The following CDC45 variants were observed in gnomAD, a reference collection of about 807,000 sequenced individuals.
The protein encoded by CDC45 is cell division control protein 45 homolog.
CDC45 carries 54 observed loss-of-function variants against 77.8 expected under a neutral mutation model. That is an observed-to-expected ratio of 0.69 (90% CI 0.56 to 0.87). The LOEUF is 0.87. Among genes scored for constraint, CDC45 ranks in the 40% least tolerant of loss-of-function variants. The probability of loss-of-function intolerance (pLI) is 0.00; values close to 1 mark genes in which losing one functional copy is unlikely to be tolerated. For missense variants in CDC45, 649 were observed against 721.6 expected, an observed-to-expected ratio of 0.90 and a Z score of 1.15; for synonymous variants, 260 against 272.1, an observed-to-expected ratio of 0.96 and a Z score of 0.44.
At chr22:19,500,437 G>C (rs1338688624) in intron 9 of CDC45, among the ~76,000 whole-genome samples, 1 of 152,170 alleles carries the variant, frequency 6.6e-6, no homozygotes, top group East Asian at 1.9e-4. Flanking sequence ...CCTCGTAGCT[G>C]CTTGGTGTCT....
At chr22:19,518,718 C>T in intron 17 of CDC45, 126 bp from the exon 18 acceptor site, 1 of 743,370 alleles carries the variant, frequency 1.3e-6, no homozygotes, top group Non-Finnish European at 2.4e-6. Context: ...GTGCAGAATA[C>T]CACAGGCCGG....
intron 17 of CDC45, among the ~76,000 whole-genome samples, chr22:19,517,797 C>G (rs901113632): frequency 6.6e-6 from 1 of 152,234 alleles, no homozygotes; most frequent in Admixed American, 6.5e-5. Flanking sequence ...ACCCTAACAA[C>G]CACATTTGAA....
intron 5 of CDC45, among the ~76,000 whole-genome samples, chr22:19,488,707 CAA>C (rs1198042826): frequency 6.6e-6 from 1 of 152,156 alleles, no homozygotes; most frequent in Non-Finnish European, 1.5e-5. Context: ...TGAGATTTAA[CAA>C]ATGTATAAAG....
At chr22:19,497,687 G>T (rs531585954) in intron 8 of CDC45, among the ~76,000 whole-genome samples, 1 of 152,176 alleles carries the variant, frequency 6.6e-6, no homozygotes, top group African/African-American at 2.4e-5. Flanking sequence ...ATACAGTACA[G>T]CTTCACCTTC....
chr22:19,505,199 T>C (rs1388129928), intron 9 of CDC45, 163 bp from the exon 10 acceptor site: 1 of 731,730 alleles, frequency 1.4e-6, no homozygotes, highest in African/African-American at 1.8e-5. Context: ...TCCTGGGTGC[T>C]TGGTTTCTAT....
rs200408376 is a variant in CDC45 at position 19,518,848 on chromosome 22, T to C, written c.1641T>C (p.Ile547=). 4.7e-4 allele frequency: 766 copies of C among 1,614,008 alleles called. 14 individuals carry two copies. The South Asian group carries it at 7.8e-3, about 16-fold the overall frequency. ...GTTTTTCTTTCATTACTTCAGTAATTGAGCTGAAAGCTGAGGATCGGAGCA... is the reference window on the plus strand; with the variant it reads ...GTTTTTCTTTCATTACTTCAGTAATCGAGCTGAAAGCTGAGGATCGGAGCA... The part of the protein sequence containing the change: ...MLHNHFDLSV[I]ELKAEDRSKF... Residue 547 remains isoleucine, a synonymous_variant, in exon 18 of 19, where the codon ATT becomes ATC. Transcript: ENST00000263201.
chr22:19,502,121 T>C (rs1208883269), intron 9 of CDC45, among the ~76,000 whole-genome samples: 1 of 152,202 alleles, frequency 6.6e-6, no homozygotes, highest in Non-Finnish European at 1.5e-5. Context: ...TCAGCTGTTA[T>C]CATTAAACCA....
Position 19,509,234 on chromosome 22 carries a change from C to T in CDC45, c.1217+543C>T, listed in dbSNP as rs13447267. Among the ~76,000 whole-genome samples the T allele has an allele frequency of 3.3e-3, 504 of 152,174 alleles. 18 individuals are homozygous for T. The East Asian group carries it at 0.066, about 20-fold the overall frequency. On this transcript the variant is annotated intron_variant, in intron 13 of 18. Transcript: ENST00000263201. ...TTAGAAAAGAGGATTATAGTGTCTGCGATGCACAGCTATGGCAAGCCAAAT... is the reference window on the plus strand; with the variant it reads ...TTAGAAAAGAGGATTATAGTGTCTGTGATGCACAGCTATGGCAAGCCAAAT...
At chr22:19,483,841 T>A in intron 4 of CDC45, 21 bp from the exon 5 acceptor site, 1 of 1,608,068 alleles carries the variant, frequency 6.2e-7, no homozygotes, top group Admixed American at 1.7e-5. Flanking sequence ...GAGGCTTAAT[T>A]CCTTTTTGTT....
Position 19,508,631 on chromosome 22 carries a change from G to A in CDC45, c.1157G>A (p.Ser386Asn), listed in dbSNP as rs375401941. The A allele has an allele frequency of 1.9e-6, 3 of 1,614,076 alleles. No individual in the cohort carries two copies. Among genetic ancestry groups the A allele is most frequent in the African/African-American group, 1.3e-5 (1 of 74,936 alleles). ...TTTGCCACCATGTCTTTGATGGAGAGCCCCGAGAAGGATGGCTCAGGGACA... is the reference window on the plus strand; with the variant it reads ...TTTGCCACCATGTCTTTGATGGAGAACCCCGAGAAGGATGGCTCAGGGACA... ...VVFATMSLME[S>N]PEKDGSGTDH... The change falls in exon 13 of 19, where the codon AGC becomes AAC. Residue 386 changes from serine to asparagine, a missense_variant. By Grantham distance (46) the Ser-to-Asn change is conservative (BLOSUM62 1). Coordinates refer to ENST00000263201, the MANE Select transcript of CDC45 (RefSeq NM_003504.5).
intron 6 of CDC45, among the ~76,000 whole-genome samples, chr22:19,494,960 A>G (rs1409538794): frequency 1.3e-5 from 2 of 152,224 alleles, no homozygotes; most frequent in Non-Finnish European, 2.9e-5. Flanking sequence ...TGGGAGGCCC[A>G]GGCAGGAGAA....
intron 18 of CDC45, among the ~76,000 whole-genome samples, chr22:19,519,429 T>C (rs779289598): frequency 3.9e-5 from 6 of 152,212 alleles, no homozygotes; most frequent in African/African-American, 1.2e-4. Flanking sequence ...GAGGGCCCCA[T>C]TGGGATTCAC....
At chr22:19,482,008 G>T (rs13447196) in intron 3 of CDC45, among the ~76,000 whole-genome samples, 2 of 152,156 alleles carry the variant, frequency 1.3e-5, no homozygotes, top group Admixed American at 1.3e-4. Flanking sequence ...ATGCATCCTG[G>T]TTTCCAACTT....
At chr22:19,519,193 G>A (rs1422882059) in intron 18 of CDC45, among the ~76,000 whole-genome samples, 7 of 152,158 alleles carry the variant, frequency 4.6e-5, no homozygotes, top group Non-Finnish European at 8.8e-5. Context: ...GCTGGGCATC[G>A]CGTGTGACAC....
intron 2 of CDC45, 118 bp downstream of exon 2, chr22:19,480,335 G>T (rs538450539): frequency 3.4e-4 from 325 of 957,592 alleles, no homozygotes; most frequent in Non-Finnish European, 4.5e-4. Flanking sequence ...GGGAGAGGGA[G>T]CAGGGCAGGA....
chr22:19,511,550 A>C (rs1027390156), intron 13 of CDC45, among the ~76,000 whole-genome samples: 1 of 152,060 alleles, frequency 6.6e-6, no homozygotes, highest in Non-Finnish European at 1.5e-5. Context: ...GGCTGGTCTC[A>C]AACTCCTGGG....
In CDC45 at chr22:19,480,234, C is replaced by G. The variant is rs1366938327; in HGVS notation, c.111+17C>G. The G allele has an allele frequency of 4.3e-6, 7 of 1,612,410 alleles. No homozygotes were observed. The East Asian group carries it at 1.1e-4, about 26-fold the overall frequency. On this transcript the variant is annotated intron_variant, in intron 2 of 18. Transcript: ENST00000263201. ...ATCCTTCAGGTGAGTTCTGCGGACC[C>G]TAGGAGGGCGGGGCCGGCGCGCGAG...
intron 7 of CDC45, among the ~76,000 whole-genome samples, 175 bp downstream of exon 7, chr22:19,496,204 A>G (rs2090239635): frequency 6.6e-6 from 1 of 152,214 alleles, no homozygotes; most frequent in African/African-American, 2.4e-5. Context: ...AGCCTTAAAC[A>G]TCTCCTCCTC....
chr22:19,489,109 G>C (rs1367081750), intron 5 of CDC45, among the ~76,000 whole-genome samples: 3 of 152,050 alleles, frequency 2.0e-5, no homozygotes, highest in Admixed American at 2.0e-4. Flanking sequence ...CCAGTAAGTC[G>C]AGGCTGCAGT....
Sources: gnomAD v4.1 joint callset for allele counts (sites outside exome capture counted in the v4.1 genomes callset) on GRCh38, gnomAD v4.1.1 for gene constraint, MANE v1.5 for transcripts, NCBI Gene and HGNC (gene_info 2026-07-23, HGNC 2026-07-21) for gene names.